TRPM3: variants seen among roughly 807,000 people sequenced by gnomAD.
TRPM3 encodes long transient receptor potential channel 3.
In TRPM3, 77 loss-of-function variants were observed where a neutral mutation model predicts 181.2. The observed-to-expected ratio is 0.42, with a 90% CI of 0.35 to 0.51. The LOEUF (loss-of-function observed/expected upper bound fraction) is 0.51. TRPM3 is among the 20% of genes least tolerant of loss of function. The pLI is 0.01. For missense variants in TRPM3, 1,759 were observed against 2,196.7 expected, an observed-to-expected ratio of 0.80 and a Z score of 3.98; for synonymous variants, 745 against 796.4, an observed-to-expected ratio of 0.94 and a Z score of 1.09.
chr9:70,535,934 T>C lies in TRPM3; in HGVS notation c.*19A>G, dbSNP rs780809976. The C allele has an allele frequency of 1.9e-6, 3 of 1,553,682 alleles. No homozygotes were observed. In the Admixed American group the frequency reaches 6.0e-5, roughly 31 times the overall value. Reference sequence around the variant, plus strand: ...TAGGGCTGGATTCTTGAGCCTTCTGTGGCGGATATTAAGAAGGTTTAGTTG... The same window carrying C: ...TAGGGCTGGATTCTTGAGCCTTCTGCGGCGGATATTAAGAAGGTTTAGTTG... On this transcript the variant is annotated 3_prime_UTR_variant, in exon 26 of 26. Transcript: ENST00000677713.
chr9:70,761,056 A>T, intron 8 of TRPM3: 1 of 176,100 alleles, frequency 5.7e-6, no homozygotes, highest in Non-Finnish European at 1.2e-5. Flanking sequence ...GATTTTGTTC[A>T]CCCTAGCAGG....
chr9:71,051,971 T>G (rs994876144), intron 1 of TRPM3, among the ~76,000 whole-genome samples: 4 of 152,064 alleles, frequency 2.6e-5, no homozygotes, highest in African/African-American at 4.8e-5. Context: ...AAAGAAAATT[T>G]GGCACAGAAT....
chr9:71,291,901 A>T (rs982452105), intron 1 of TRPM3, among the ~76,000 whole-genome samples: 8 of 152,094 alleles, frequency 5.3e-5, no homozygotes, highest in Non-Finnish European at 1.2e-4. Context: ...GACATTTAGG[A>T]AAATGATTGC....
chr9:70,839,201 G>C (rs1275577423), intron 5 of TRPM3, among the ~76,000 whole-genome samples: 1 of 152,122 alleles, frequency 6.6e-6, no homozygotes, highest in Non-Finnish European at 1.5e-5. Context: ...CCTGTAGCTT[G>C]AATCTCATCA....
chr9:71,014,721 G>A (rs2097770651), intron 1 of TRPM3, among the ~76,000 whole-genome samples: 1 of 151,970 alleles, frequency 6.6e-6, no homozygotes, highest in Non-Finnish European at 1.5e-5. Flanking sequence ...TTTAGCCTTT[G>A]GAATCACTTT....
chr9:71,303,790 C>T (rs77038530), intron 1 of TRPM3, among the ~76,000 whole-genome samples: 32 of 151,936 alleles, frequency 2.1e-4, no homozygotes, highest in Non-Finnish European at 4.0e-4. Context: ...AAAGGTGTTA[C>T]ATTATTTTAA....
At chr9:71,320,968 G>A (rs1031540349) in intron 1 of TRPM3, among the ~76,000 whole-genome samples, 10 of 151,902 alleles carry the variant, frequency 6.6e-5, no homozygotes, top group African/African-American at 2.4e-4. Context: ...CCACATCGAA[G>A]GCATCATCAC....
In TRPM3 at chr9:71,276,677, G is replaced by A. The variant is rs764292677; in HGVS notation, c.183+169976C>T. On this transcript the variant is annotated intron_variant, in intron 1 of 24. Coordinates refer to the TRPM3 transcript ENST00000357533. ...AATATCAAGCAATGCCATTAATAGA[G>A]AGCAAAGAGGGTGTTCATCCATTAA... Among the ~76,000 whole-genome samples, 24 of 152,228 alleles carry A rather than the reference G, an allele frequency of 1.6e-4. 1 individual carries two copies. Among genetic ancestry groups the A allele is most frequent in the Middle Eastern group, 6.8e-3 (2 of 294 alleles).
chr9:70,638,993 G>T (rs1253403825), intron 11 of TRPM3, 67 bp downstream of exon 11: 2 of 1,547,338 alleles, frequency 1.3e-6, no homozygotes, highest in African/African-American at 2.7e-5. Context: ...ACAGGCATAT[G>T]GGGGGCAGGA....
chr9:71,309,830 A>G (rs181404318), intron 1 of TRPM3, among the ~76,000 whole-genome samples: 1 of 152,240 alleles, frequency 6.6e-6, no homozygotes, highest in Admixed American at 6.5e-5. Flanking sequence ...AAAATCACAG[A>G]ATAAAAGATT....
intron 6 of TRPM3, among the ~76,000 whole-genome samples, chr9:70,805,402 C>T (rs1189754765): frequency 6.6e-6 from 1 of 151,408 alleles, no homozygotes; most frequent in Non-Finnish European, 1.5e-5. Context: ...GGCATAGTGG[C>T]GGGCGCCTGT....
intron 17 of TRPM3, among the ~76,000 whole-genome samples, chr9:70,616,873 T>G (rs2062868800): frequency 6.6e-6 from 1 of 152,222 alleles, no homozygotes; most frequent in Admixed American, 6.5e-5. Flanking sequence ...TTCTTCAGAA[T>G]GAACAAGTGT....
intron 5 of TRPM3, among the ~76,000 whole-genome samples, chr9:70,835,973 G>T (rs1295599251): frequency 6.6e-6 from 1 of 152,150 alleles, no homozygotes; most frequent in Non-Finnish European, 1.5e-5. Flanking sequence ...GCCACTGTGA[G>T]AATTAAATGA....
intron 1 of TRPM3, among the ~76,000 whole-genome samples, chr9:71,037,255 G>A (rs913535458): frequency 2.6e-5 from 4 of 152,096 alleles, no homozygotes; most frequent in African/African-American, 9.7e-5. Context: ...TGGGTGCTTA[G>A]GTATATAAGA....
At chr9:70,792,174 A>G (rs974664510) in intron 6 of TRPM3, among the ~76,000 whole-genome samples, 5 of 152,266 alleles carry the variant, frequency 3.3e-5, no homozygotes, top group South Asian at 4.2e-4. Context: ...CTGGACTTAC[A>G]TGGATGTCAG....
At chr9:70,681,966 G>A (rs2065558321) in intron 8 of TRPM3, among the ~76,000 whole-genome samples, 1 of 152,090 alleles carries the variant, frequency 6.6e-6, no homozygotes, top group Admixed American at 6.6e-5. Flanking sequence ...ATTATGAAAG[G>A]CCTCTCCCTT....
intron 1 of TRPM3, among the ~76,000 whole-genome samples, chr9:71,420,747 AAG>A (rs1211935884): frequency 1.1e-4 from 9 of 83,926 alleles, no homozygotes; most frequent in East Asian, 5.5e-4. Flanking sequence ...AAGAGAGAGA[AAG>A]AGAGAGAAAG....
Position 71,084,764 on chromosome 9 carries a change from G to GA in TRPM3, c.177+36413dup, listed in dbSNP as rs1035321781. Among the ~76,000 whole-genome samples, 387 of 147,036 alleles carry GA rather than the reference G, an allele frequency of 2.6e-3. 2 individuals carry two copies. The highest frequency in any genetic ancestry group is 8.9e-3 in the African/African-American group (357 of 40,278). On this transcript the variant is annotated intron_variant, in intron 1 of 25. Coordinates refer to ENST00000677713, the MANE Select transcript of TRPM3 (RefSeq NM_001366145.2). ...TCGATGTCATTTTTTGCAGAACTAG[G>GA]AAAAAAAAAACTATTCTACAATTCA...
chr9:71,268,529 G>T (rs1331118763), intron 1 of TRPM3, among the ~76,000 whole-genome samples: 1 of 151,808 alleles, frequency 6.6e-6, no homozygotes, highest in Non-Finnish European at 1.5e-5. Flanking sequence ...GTGGCAATAG[G>T]AGCTAGATCT....
Sources: gnomAD v4.1 joint callset for allele counts (sites outside exome capture counted in the v4.1 genomes callset) on GRCh38, gnomAD v4.1.1 for gene constraint, MANE v1.5 for transcripts, NCBI Gene and HGNC (gene_info 2026-07-23, HGNC 2026-07-21) for gene names.